The following ANKS1A variants were observed in gnomAD, a reference collection of about 807,000 sequenced individuals.
The protein encoded by ANKS1A is ankyrin repeat and SAM domain-containing protein 1A.
In ANKS1A, 55 loss-of-function variants were observed where a neutral mutation model predicts 120.3. The observed-to-expected ratio is 0.46, with a 90% CI of 0.37 to 0.57. The LOEUF is 0.57. Ranked by LOEUF, ANKS1A falls within the 20% of genes least tolerant of loss-of-function variation. The probability of loss-of-function intolerance (pLI) is 0.00; values close to 1 mark genes in which losing one functional copy is unlikely to be tolerated. For synonymous variants in ANKS1A, 590 were observed against 604.7 expected, an observed-to-expected ratio of 0.98 and a Z score of 0.36; for missense variants, 1,123 against 1,480.3, an observed-to-expected ratio of 0.76 and a Z score of 3.96.
intron 11 of ANKS1A, among the ~76,000 whole-genome samples, chr6:35,031,712 G>T (rs1315520602): frequency 1.3e-5 from 2 of 152,046 alleles, no homozygotes; most frequent in African/African-American, 4.8e-5. Flanking sequence ...CAAATATTTT[G>T]TGTTATCCTC....
chr6:35,083,184 G>A lies in ANKS1A; in HGVS notation c.2865G>A (p.Leu955=). 1.2e-6 allele frequency: 2 copies of A among 1,614,114 alleles called. No homozygotes were observed. The highest frequency in any genetic ancestry group is 1.7e-6 in the Non-Finnish European group (2 of 1,180,028). ...TGGGCTCCATGCTGATCAAAGATCT[G>A]CGAGGGACAGAATCCACGCAAGACG... ...NYLGSMLIKD[L]RGTESTQDAC... The change falls in exon 19 of 24, where the codon CTG becomes CTA. Residue 955 remains leucine, a synonymous_variant. Transcript: ENST00000360359.
Position 34,889,923 on chromosome 6 carries a change from A to T in ANKS1A, c.197+324A>T, listed in dbSNP as rs552382589. 3.6e-4 allele frequency among the ~76,000 whole-genome samples: 54 copies of T among 149,044 alleles called. No individual in the cohort carries two copies. Among genetic ancestry groups the T allele is most frequent in the Non-Finnish European group, 6.5e-4 (44 of 67,878 alleles). ...CCAGCTATCGTAGCTCACAAAAGCCAATTAAGAGCAAATATGTATATCTTA... is the reference window on the plus strand; with the variant it reads ...CCAGCTATCGTAGCTCACAAAAGCCTATTAAGAGCAAATATGTATATCTTA... On this transcript the variant is annotated intron_variant, in intron 1 of 23. Transcript: ENST00000360359. The surrounding 1 kb of genome is among the most constrained non-coding windows in gnomAD (Gnocchi z 5.5).
intron 1 of ANKS1A, among the ~76,000 whole-genome samples, chr6:34,890,178 G>T (rs370546489): frequency 6.6e-6 from 1 of 151,568 alleles, no homozygotes; most frequent in African/African-American, 2.4e-5. Context: ...TGCAACCTCC[G>T]CCTCCCGGGT....
At chr6:35,091,410 T>TTAA, downstream of ANKS1A, 1 of 985,488 alleles carries the variant, frequency 1.0e-6, no homozygotes, top group Non-Finnish European at 1.2e-6. Context: ...GAACGCAGCC[T>TTAA]TAATTCTTCT....
chr6:35,081,252 G>T (rs117540941), intron 17 of ANKS1A, 94 bp downstream of exon 17: 4 of 1,421,188 alleles, frequency 2.8e-6, no homozygotes, highest in Non-Finnish European at 3.7e-6. Flanking sequence ...CCATACTTGA[G>T]CACAGTTGGG....
chr6:35,037,615 A>T (rs1239657760), intron 11 of ANKS1A, among the ~76,000 whole-genome samples: 1 of 152,138 alleles, frequency 6.6e-6, no homozygotes, highest in Admixed American at 6.5e-5. Flanking sequence ...TACCACTTCC[A>T]GTCAGTCTGG....
intron 1 of ANKS1A, among the ~76,000 whole-genome samples, chr6:34,966,165 C>G (rs1561876241): frequency 6.6e-6 from 1 of 152,134 alleles, no homozygotes; most frequent in Non-Finnish European, 1.5e-5. Flanking sequence ...AAATCAGTCT[C>G]AATTATGAAT....
At chr6:34,941,620 A>G (rs532499009) in intron 1 of ANKS1A, among the ~76,000 whole-genome samples, 1 of 152,312 alleles carries the variant, frequency 6.6e-6, no homozygotes, top group Admixed American at 6.5e-5. Flanking sequence ...TTAATGTTGA[A>G]TCAGCAATTT....
chr6:35,010,999 T>C (rs1367079583), intron 10 of ANKS1A, among the ~76,000 whole-genome samples: 1 of 152,242 alleles, frequency 6.6e-6, no homozygotes, highest in Non-Finnish European at 1.5e-5. Context: ...GAATTATTGC[T>C]CTAGCACTTA....
At chr6:35,048,876 C>G (rs1454254752) in intron 11 of ANKS1A, among the ~76,000 whole-genome samples, 1 of 152,172 alleles carries the variant, frequency 6.6e-6, no homozygotes, top group African/African-American at 2.4e-5. Context: ...GCCCCCGGCT[C>G]CTGGGAAGGG....
intron 1 of ANKS1A, among the ~76,000 whole-genome samples, chr6:34,935,416 A>C (rs1256742276): frequency 6.6e-6 from 1 of 152,158 alleles, no homozygotes; most frequent in Non-Finnish European, 1.5e-5. Flanking sequence ...CCGTCTTCAG[A>C]GTCAAAACTG....
rs1195968974 is a variant in ANKS1A at position 35,017,823 on chromosome 6, C to T, written c.1774C>T (p.Pro592Ser). 4 of 1,614,212 alleles carry T rather than the reference C, an allele frequency of 2.5e-6. No individual in the cohort carries two copies. In the South Asian group the frequency reaches 3.3e-5, roughly 13 times the overall value. Residue 592 changes from proline to serine, a missense_variant, in exon 11 of 24, where the codon CCT (proline) becomes TCT (serine). Transcript: ENST00000360359. Reference sequence around the variant, plus strand: ...TTTGACTCACACAGCATCTCCGCACCCTGGTGGTGCTGAGGAAGGAGACCG... The same window carrying T: ...TTTGACTCACACAGCATCTCCGCACTCTGGTGGTGCTGAGGAAGGAGACCG... ...ETLTHTASPH[P>S]GGAEEGDRSG...
chr6:35,031,578 A>G (rs1299075347), intron 11 of ANKS1A, among the ~76,000 whole-genome samples: 1 of 151,898 alleles, frequency 6.6e-6, no homozygotes, highest in Non-Finnish European at 1.5e-5. Flanking sequence ...TTTCCTTCCA[A>G]AATCTCTCTC....
intron 1 of ANKS1A, among the ~76,000 whole-genome samples, chr6:34,964,607 A>G (rs1211627537): frequency 6.6e-6 from 1 of 152,188 alleles, no homozygotes; most frequent in Non-Finnish European, 1.5e-5. Context: ...GTAGTATTGT[A>G]TTTTAGGAGT....
intron 1 of ANKS1A, among the ~76,000 whole-genome samples, chr6:34,955,133 TC>T (rs1770290195): frequency 9.2e-6 from 1 of 109,204 alleles, no homozygotes; most frequent in African/African-American, 5.9e-5. Flanking sequence ...TTTTCTTTTT[TC>T]TTTTCTTTTC....
rs534378238 is a variant in ANKS1A at position 34,982,727 on chromosome 6, C to T, written c.733-25C>T. 10 of 1,613,924 alleles carry T rather than the reference C, an allele frequency of 6.2e-6. No individual in the cohort carries two copies. Among genetic ancestry groups the T allele is most frequent in the South Asian group, 2.2e-5 (2 of 91,082 alleles). On this transcript the variant is annotated intron_variant, in intron 4 of 23. Transcript: ENST00000360359. The surrounding 1 kb of genome is among the most constrained non-coding windows in gnomAD (Gnocchi z 4.9). Reference sequence around the variant, plus strand: ...ACCAAACTGTTCTGATGACATCCCGCTCTGCGCTCTCGTTTGCTTTCCAGA... The same window carrying T: ...ACCAAACTGTTCTGATGACATCCCGTTCTGCGCTCTCGTTTGCTTTCCAGA...
At chr6:34,939,759 A>C (rs549472080) in intron 1 of ANKS1A, among the ~76,000 whole-genome samples, 2 of 152,314 alleles carry the variant, frequency 1.3e-5, no homozygotes, top group Admixed American at 6.5e-5. Context: ...AAGGAGACTT[A>C]ATGCTTTTCA....
intron 9 of ANKS1A, among the ~76,000 whole-genome samples, chr6:34,991,854 GA>G (rs67757787): frequency 0.77 from 107,017 of 138,902 alleles, 42,862 homozygotes; most frequent in Non-Finnish European, 0.88. Flanking sequence ...TGGAGGAAAG[GA>G]AAAAAAAAAA....
chr6:35,065,128 C>CT (rs1411618033), intron 13 of ANKS1A, among the ~76,000 whole-genome samples: 1 of 152,132 alleles, frequency 6.6e-6, no homozygotes. Flanking sequence ...TCTCGGGAGC[C>CT]TGACCAAGGG....
Sources: allele counts gnomAD v4.1 joint callset (sites outside exome capture counted in the v4.1 genomes callset), GRCh38; gene constraint gnomAD v4.1.1; non-coding constraint Gnocchi (gnomAD v3.1); transcripts MANE v1.5; gene names NCBI Gene and HGNC (gene_info 2026-07-23, HGNC 2026-07-21).